The following CCDC178 variants were observed in gnomAD, a reference collection of about 807,000 sequenced individuals.
The protein encoded by CCDC178 is coiled-coil domain-containing protein 178.
Under a neutral mutation model 117.4 loss-of-function variants are expected in CCDC178, and 126 were observed. The observed-to-expected ratio is 1.07, with a 90% CI of 0.93 to 1.24. CCDC178 has a LOEUF of 1.24. CCDC178 is among the 50% of genes most tolerant of loss of function. The pLI, the probability that CCDC178 is intolerant of heterozygous loss-of-function variation, is 0.00. For missense variants in CCDC178, 1,030 were observed against 986.9 expected, an observed-to-expected ratio of 1.04 and a Z score of -0.59; for synonymous variants, 283 against 313.4, an observed-to-expected ratio of 0.90 and a Z score of 1.02.
chr18:33,419,464 A>T (rs140692756), intron 2 of CCDC178, among the ~76,000 whole-genome samples: 2 of 152,342 alleles, frequency 1.3e-5, no homozygotes, highest in East Asian at 1.9e-4. Flanking sequence ...GATTCTGCAT[A>T]GCAAAATAAA....
chr18:32,957,017 T>C (rs1188852590), intron 22 of CCDC178, among the ~76,000 whole-genome samples: 1 of 152,190 alleles, frequency 6.6e-6, no homozygotes, highest in Admixed American at 6.5e-5. Context: ...AGAAGCCGTT[T>C]TGATACAGTA....
At chr18:33,195,039 C>A (rs2058912148) in intron 20 of CCDC178, among the ~76,000 whole-genome samples, 1 of 149,190 alleles carries the variant, frequency 6.7e-6, no homozygotes, top group Admixed American at 6.7e-5. Flanking sequence ...AGAAGGATCA[C>A]CCTGGAGTTT....
At chr18:33,224,012 GA>G (rs1192831328) in intron 17 of CCDC178, among the ~76,000 whole-genome samples, 12 of 152,128 alleles carry the variant, frequency 7.9e-5, no homozygotes, top group African/African-American at 2.9e-4. Flanking sequence ...TATTTCATAG[GA>G]AGGCTTTGAA....
intron 20 of CCDC178, among the ~76,000 whole-genome samples, chr18:33,154,653 G>T (rs1020236483): frequency 5.3e-5 from 8 of 152,082 alleles, no homozygotes; most frequent in Non-Finnish European, 1.0e-4. Context: ...ACCTATATGA[G>T]ATGAACTTTA....
chr18:33,198,663 T>C (rs1028599923), intron 20 of CCDC178, among the ~76,000 whole-genome samples: 1 of 152,204 alleles, frequency 6.6e-6, no homozygotes, highest in Admixed American at 6.5e-5. Flanking sequence ...CACTGATATA[T>C]AAATATATAC....
In CCDC178 at chr18:33,011,767, C is replaced by CAAA. The variant is rs71177899; in HGVS notation, c.2389-37089_2389-37087dup. Among the ~76,000 whole-genome samples, 77 of 30,006 alleles carry CAAA rather than the reference C, an allele frequency of 2.6e-3. 23 individuals carry two copies. Among genetic ancestry groups the CAAA allele is most frequent in the Non-Finnish European group, 5.2e-3 (58 of 11,130 alleles). The allele number at this position is 30,006 out of a possible 152,430, so 19.7% of individuals were successfully genotyped here. ...ACGTGGCAAATGATTGAGCAGAATG[C>CAAA]AAAAAAAAAAAAAAAAAAAAAAAAA... On this transcript the variant is annotated intron_variant, in intron 21 of 22. Coordinates refer to ENST00000383096, the MANE Select transcript of CCDC178 (RefSeq NM_001105528.4).
At chr18:32,988,073 G>C (rs531767512) in intron 21 of CCDC178, among the ~76,000 whole-genome samples, 1 of 99,680 alleles carries the variant, frequency 1.0e-5, no homozygotes, top group African/African-American at 3.7e-5. Context: ...GTGAAAATCC[G>C]TCTCAAAATA....
At chr18:33,194,454 C>A (rs1336747005) in intron 20 of CCDC178, among the ~76,000 whole-genome samples, 1 of 152,120 alleles carries the variant, frequency 6.6e-6, no homozygotes, top group Non-Finnish European at 1.5e-5. Flanking sequence ...ATCTCTTGGG[C>A]AAGTCAATGC....
At chr18:33,107,868 T>C (rs2057728609) in intron 20 of CCDC178, among the ~76,000 whole-genome samples, 1 of 151,730 alleles carries the variant, frequency 6.6e-6, no homozygotes, top group Admixed American at 6.6e-5. Flanking sequence ...GTGTTAGCAT[T>C]GTGCATGTAT....
At chr18:33,220,994 C>T (rs1359108186) in intron 18 of CCDC178, among the ~76,000 whole-genome samples, 1 of 152,012 alleles carries the variant, frequency 6.6e-6, no homozygotes, top group African/African-American at 2.4e-5. Flanking sequence ...CAAAGCCCTG[C>T]GTACCAGACA....
In CCDC178 at chr18:33,383,245, T is replaced by C. The variant is rs143736245; in HGVS notation, c.208+6295A>G. Among the ~76,000 whole-genome samples the C allele has an allele frequency of 1.3e-3, 203 of 152,172 alleles. 1 individual carries two copies. The highest frequency in any genetic ancestry group is 4.8e-3 in the African/African-American group (198 of 41,522). On this transcript the variant is annotated intron_variant, in intron 5 of 22. Coordinates refer to ENST00000383096, the MANE Select transcript of CCDC178 (RefSeq NM_001105528.4). ...ATCATTTCCCTGGGAAAGAGCACCT[T>C]GGGGAAGGGGTGGCTGTGGTCTCAG...
intron 18 of CCDC178, among the ~76,000 whole-genome samples, chr18:33,216,555 T>C (rs2059167727): frequency 6.6e-6 from 1 of 152,116 alleles, no homozygotes; most frequent in Non-Finnish European, 1.5e-5. Context: ...CAGATCTCAA[T>C]GGCTCCTTCT....
intron 20 of CCDC178, among the ~76,000 whole-genome samples, chr18:33,187,077 A>G (rs2058803169): frequency 7.9e-6 from 1 of 126,330 alleles, no homozygotes; most frequent in Admixed American, 7.9e-5. Context: ...CACATCTTAC[A>G]TGGCGGCAGG....
chr18:33,018,194 A>G, intron 21 of CCDC178, among the ~76,000 whole-genome samples: 1 of 152,088 alleles, frequency 6.6e-6, no homozygotes, highest in Non-Finnish European at 1.5e-5. Flanking sequence ...GCTAAACATT[A>G]TTAGTCATTT....
At chr18:33,056,641 C>T (rs947669894) in intron 21 of CCDC178, among the ~76,000 whole-genome samples, 5 of 152,050 alleles carry the variant, frequency 3.3e-5, no homozygotes, top group African/African-American at 4.8e-5. Context: ...GGCATAGATT[C>T]AGAAATTCAC....
intron 22 of CCDC178, among the ~76,000 whole-genome samples, chr18:32,967,859 T>G (rs891435212): frequency 4.2e-5 from 6 of 143,570 alleles, no homozygotes; most frequent in Non-Finnish European, 7.6e-5. Context: ...TATACTTTTG[T>G]TTTTTTTTTT....
At chr18:33,354,159 T>C (rs1240123836) in intron 7 of CCDC178, among the ~76,000 whole-genome samples, 2 of 152,218 alleles carry the variant, frequency 1.3e-5, no homozygotes, top group Non-Finnish European at 2.9e-5. Flanking sequence ...CTGTTAATCG[T>C]ACTGAGGGTC....
At chr18:33,276,952 A>G (rs2059958059) in intron 12 of CCDC178, among the ~76,000 whole-genome samples, 1 of 152,134 alleles carries the variant, frequency 6.6e-6, no homozygotes. Flanking sequence ...GAAACTGACA[A>G]TACTTTACAA....
intron 20 of CCDC178, among the ~76,000 whole-genome samples, chr18:33,121,244 G>C (rs1174984683): frequency 6.6e-6 from 1 of 152,120 alleles, no homozygotes; most frequent in African/African-American, 2.4e-5. Context: ...ACAGAAATGG[G>C]TAGCGTCAAA....
Sources: gnomAD v4.1 joint callset for allele counts (sites outside exome capture counted in the v4.1 genomes callset) on GRCh38, gnomAD v4.1.1 for gene constraint, MANE v1.5 for transcripts, NCBI Gene and HGNC (gene_info 2026-07-23, HGNC 2026-07-21) for gene names.